The following CEP128 variants were observed in gnomAD, a reference collection of about 807,000 sequenced individuals.
CEP128 encodes the protein centrosomal protein 128kDa.
Under a neutral mutation model 156.7 loss-of-function variants are expected in CEP128, and 132 were observed. That is an observed-to-expected ratio of 0.84 (90% CI 0.73 to 0.97). The LOEUF is 0.97. CEP128 is among the 50% of genes least tolerant of loss of function. The pLI is 0.00. For missense variants in CEP128, 1,252 were observed against 1,281.9 expected, an observed-to-expected ratio of 0.98 and a Z score of 0.36; for synonymous variants, 469 against 448.9, an observed-to-expected ratio of 1.04 and a Z score of -0.57.
At chr14:80,675,422 T>C (rs998506808) in intron 19 of CEP128, among the ~76,000 whole-genome samples, 2 of 152,078 alleles carry the variant, frequency 1.3e-5, no homozygotes, top group Non-Finnish European at 2.9e-5. Context: ...CATGAAACCC[T>C]GGTGATCCAT....
rs538135862 is a variant in CEP128, at chr14:80,941,293, G to A, written c.-172+288C>T. Among the ~76,000 whole-genome samples the A allele has an allele frequency of 2.0e-5, 3 of 152,320 alleles. No individual in the cohort carries two copies. In the East Asian group the frequency reaches 5.8e-4, roughly 29 times the overall value. Reference sequence around the variant, plus strand: ...GTCCCTTAAAGCTTCACAGATGCTAGCGGTAGAGCAAGCTGCTCCCAAAGG... The same window carrying A: ...GTCCCTTAAAGCTTCACAGATGCTAACGGTAGAGCAAGCTGCTCCCAAAGG... On this transcript the variant is annotated intron_variant, in intron 1 of 24. Transcript: ENST00000555265.
rs1891652757 is a variant in CEP128 at position 80,582,947 on chromosome 14, T to C, written c.2807-2524A>G. Among the ~76,000 whole-genome samples, 5 of 152,258 alleles carry C rather than the reference T, an allele frequency of 3.3e-5. No homozygotes were observed. In the South Asian group the frequency reaches 1.0e-3, roughly 32 times the overall value. ...GGGTTCATCAACCACAAAAGAAAAC[T>C]AATCTTGTTCCTCCAGAGTCAACTT... On this transcript the variant is annotated intron_variant, in intron 19 of 24. Transcript: ENST00000555265.
intron 14 of CEP128, among the ~76,000 whole-genome samples, chr14:80,480,433 C>G (rs972423064): frequency 2.0e-5 from 3 of 152,086 alleles, no homozygotes; most frequent in African/African-American, 7.2e-5. Context: ...ATAGCCCAAC[C>G]CATACACTGG....
At chr14:80,658,234 G>A (rs1895257542) in intron 19 of CEP128, among the ~76,000 whole-genome samples, 1 of 152,200 alleles carries the variant, frequency 6.6e-6, no homozygotes, top group African/African-American at 2.4e-5. Context: ...GAAGGATTAT[G>A]GTAGGGGATA....
At chr14:80,702,633 A>C (rs1365763630) in intron 19 of CEP128, among the ~76,000 whole-genome samples, 2 of 152,214 alleles carry the variant, frequency 1.3e-5, no homozygotes, top group Non-Finnish European at 2.9e-5. Context: ...TGCAAGAATA[A>C]ATGAGGCAAC....
intron 19 of CEP128, among the ~76,000 whole-genome samples, chr14:80,598,153 T>C (rs1298645826): frequency 6.6e-6 from 1 of 151,354 alleles, no homozygotes; most frequent in Non-Finnish European, 1.5e-5. Context: ...AAAAAAAGTG[T>C]CCGTATTTGC....
intron 13 of CEP128, among the ~76,000 whole-genome samples, chr14:80,819,544 C>A (rs1885053757): frequency 1.3e-5 from 2 of 152,046 alleles, no homozygotes; most frequent in Admixed American, 1.3e-4. Context: ...CTGCACCCAG[C>A]CTCTCTGGCC....
chr14:80,697,852 G>A (rs756563408), intron 19 of CEP128, among the ~76,000 whole-genome samples: 4 of 151,912 alleles, frequency 2.6e-5, no homozygotes, highest in Non-Finnish European at 4.4e-5. Context: ...CATTTTGGGA[G>A]CTATCATTAT....
chr14:80,905,817 A>T, intron 5 of CEP128, 138 bp downstream of exon 5: 1 of 774,712 alleles, frequency 1.3e-6, no homozygotes, highest in Non-Finnish European at 2.0e-6. Flanking sequence ...ATGTACTATA[A>T]AATCCTTGAC....
chr14:80,549,136 A>T (rs894435508), intron 21 of CEP128, among the ~76,000 whole-genome samples: 53 of 152,312 alleles, frequency 3.5e-4, no homozygotes, highest in African/African-American at 1.2e-3. Context: ...AGGTGGAGAA[A>T]GGAGAATGTC....
At chr14:80,607,424 T>G (rs997142409) in intron 19 of CEP128, among the ~76,000 whole-genome samples, 3 of 152,126 alleles carry the variant, frequency 2.0e-5, no homozygotes, top group Admixed American at 6.6e-5. Flanking sequence ...GAAAGACCCC[T>G]TTTGGACACA....
rs1011456900 is a variant in CEP128, at chr14:80,561,699, T to C, written c.2857-2397A>G. On this transcript the variant is annotated intron_variant, in intron 20 of 24. Transcript: ENST00000555265. ...TTGAAATAGGCGATTTCATATAATG[T>C]CAAAACAGAACAGAATTAAACTGTC... is the stretch of plus-strand genomic sequence containing the variant. 1.9e-4 allele frequency among the ~76,000 whole-genome samples: 29 copies of C among 152,150 alleles called. 1 individual carries two copies. The highest frequency in any genetic ancestry group is 1.3e-4 in the Admixed American group (2 of 15,270).
rs1279292273 is a variant in CEP128, at chr14:80,742,222, T to C, written c.2806+853A>G. 2.0e-5 allele frequency among the ~76,000 whole-genome samples: 3 copies of C among 152,224 alleles called. No individual in the cohort carries two copies. The East Asian group carries it at 5.8e-4, about 29-fold the overall frequency. ...TTGGGCCTTCACAATACTTCTTTTTTCTTACATTTTTGATTTTAAGAATTA... is the reference window on the plus strand; with the variant it reads ...TTGGGCCTTCACAATACTTCTTTTTCCTTACATTTTTGATTTTAAGAATTA... On this transcript the variant is annotated intron_variant, in intron 19 of 24. Coordinates refer to ENST00000555265, the MANE Select transcript of CEP128 (RefSeq NM_152446.5).
chr14:80,516,680 G>T (rs1375005116), intron 23 of CEP128, among the ~76,000 whole-genome samples: 1 of 152,158 alleles, frequency 6.6e-6, no homozygotes, highest in Non-Finnish European at 1.5e-5. Flanking sequence ...CCATGGGCAT[G>T]ACTAAATTCT....
intron 19 of CEP128, among the ~76,000 whole-genome samples, chr14:80,622,159 C>A (rs1163206859): frequency 6.6e-6 from 1 of 152,082 alleles, no homozygotes; most frequent in Admixed American, 6.6e-5. Flanking sequence ...TTTTAGCATT[C>A]TTTATGTGGC....
intron 19 of CEP128, chr14:80,742,738 T>C (rs1310353120): frequency 8.0e-6 from 2 of 249,182 alleles, no homozygotes; most frequent in Non-Finnish European, 1.6e-5. Context: ...TACTTGAAAA[T>C]GGGCACAAAA....
intron 19 of CEP128, among the ~76,000 whole-genome samples, chr14:80,618,866 C>T (rs776119204): frequency 3.2e-4 from 48 of 152,338 alleles, no homozygotes; most frequent in South Asian, 8.3e-4. Flanking sequence ...GTATTTGTAT[C>T]TCTAGTACAT....
intron 9 of CEP128, among the ~76,000 whole-genome samples, chr14:80,847,322 C>T (rs1886657214): frequency 6.6e-6 from 1 of 152,134 alleles, no homozygotes; most frequent in African/African-American, 2.4e-5. Context: ...CTATAATAGT[C>T]AATCATTCTT....
At chr14:80,721,603 T>A (rs1454411414) in intron 19 of CEP128, among the ~76,000 whole-genome samples, 2 of 152,250 alleles carry the variant, frequency 1.3e-5, no homozygotes, top group African/African-American at 2.4e-5. Flanking sequence ...ACCTTTTTAA[T>A]ATTTTATTAT....
Sources: gnomAD v4.1 joint callset for allele counts (sites outside exome capture counted in the v4.1 genomes callset) on GRCh38, gnomAD v4.1.1 for gene constraint, MANE v1.5 for transcripts, NCBI Gene and HGNC (gene_info 2026-07-23, HGNC 2026-07-21) for gene names.